The following PLXNA4 variants were observed in gnomAD, a reference collection of about 807,000 sequenced individuals.
PLXNA4 encodes the protein plexin-A4.
In PLXNA4, 44 loss-of-function variants were observed where a neutral mutation model predicts 191.8. The observed-to-expected ratio is 0.23, with a 90% confidence interval of 0.18 to 0.29. The LOEUF is 0.29. Ranked by LOEUF, PLXNA4 falls within the 10% of genes least tolerant of loss-of-function variation. The pLI is 1.00. For synonymous variants in PLXNA4, 1,082 were observed against 1,009.5 expected, an observed-to-expected ratio of 1.07 and a Z score of -1.36; for missense variants, 1,800 against 2,488.8, an observed-to-expected ratio of 0.72 and a Z score of 5.89.
chr7:132,583,399 C>T lies in PLXNA4; in HGVS notation c.-87+62529G>A, dbSNP rs112963307. On this transcript the variant is annotated intron_variant, in intron 2 of 4. Transcript: ENST00000378539. ...AAGCGAGATGTGATTGAAAGCTGAT[C>T]GTCCACTTTCCCTCCACACCATTCT... Among the ~76,000 whole-genome samples the T allele has an allele frequency of 6.5e-3, 989 of 152,262 alleles. 10 individuals are homozygous for T. Among genetic ancestry groups the T allele is most frequent in the Non-Finnish European group, 9.9e-3 (675 of 68,024 alleles).
At chr7:132,194,714 TGTGTGTATGC>T (rs1797199531) in intron 13 of PLXNA4, among the ~76,000 whole-genome samples, 1 of 152,238 alleles carries the variant, frequency 6.6e-6, no homozygotes, top group African/African-American at 2.4e-5. Flanking sequence ...TGTGTGTATG[TGTGTGTATGC>T]GTGTGTGAAC....
chr7:132,450,401 G>A (rs186961002), intron 3 of PLXNA4, among the ~76,000 whole-genome samples: 1 of 152,310 alleles, frequency 6.6e-6, no homozygotes, highest in African/African-American at 2.4e-5. Context: ...GGCGGGACAC[G>A]TGATTAGCTC....
rs1428691959 is a variant in PLXNA4 at position 132,129,498 on chromosome 7, G to A, written c.*981C>T. ...CACTCTGCATTTCACGTTGACCCTT[G>A]ATGAAGGTTGACAAAGGAGGGTGGA... On this transcript the variant is annotated 3_prime_UTR_variant, in exon 32 of 32. Coordinates refer to ENST00000321063, the MANE Select transcript of PLXNA4 (RefSeq NM_020911.2). The A allele has an allele frequency of 2.6e-5, 4 of 152,270 alleles. No homozygotes were observed. Among genetic ancestry groups the A allele is most frequent in the Non-Finnish European group, 5.9e-5 (4 of 68,080 alleles). 9.4% of individuals were successfully genotyped at this position (152,270 alleles called of 1,614,324 possible).
intron 3 of PLXNA4, among the ~76,000 whole-genome samples, chr7:132,408,414 TTTCAA>T (rs1563082297): frequency 6.6e-6 from 1 of 152,098 alleles, no homozygotes; most frequent in Non-Finnish European, 1.5e-5. Flanking sequence ...AACAAGTATT[TTTCAA>T]TTCTTTTTTA....
chr7:132,383,673 G>A, intron 3 of PLXNA4: 2 of 982,306 alleles, frequency 2.0e-6, no homozygotes, highest in African/African-American at 1.7e-5. Flanking sequence ...ATAAATGAGT[G>A]TATATATCAA....
At chr7:132,358,388 G>T (rs747976229) in intron 3 of PLXNA4, among the ~76,000 whole-genome samples, 13 of 152,180 alleles carry the variant, frequency 8.5e-5, no homozygotes, top group Non-Finnish European at 1.6e-4. Flanking sequence ...TTGGGGGAGA[G>T]CAAAGTTTTA....
At chr7:132,284,803 C>G (rs889276084) in intron 4 of PLXNA4, among the ~76,000 whole-genome samples, 1 of 152,188 alleles carries the variant, frequency 6.6e-6, no homozygotes, top group Admixed American at 6.5e-5. Flanking sequence ...AAACCTCCCC[C>G]TTCCAGGTTC....
intron 8 of PLXNA4, 123 bp from the exon 9 acceptor site, chr7:132,223,764 G>T (rs901459267): frequency 1.1e-5 from 8 of 717,258 alleles, no homozygotes; most frequent in Non-Finnish European, 2.0e-5. Context: ...TGAATGTGCA[G>T]GAAGGGCAGA....
Position 132,414,024 on chromosome 7 carries a change from C to T in PLXNA4, c.1371+75268G>A, listed in dbSNP as rs533432475. ...ATAGAGCTATCTCTCTTCCACTATT[C>T]GGGCCTAGACACGACTACACATATC... On this transcript the variant is annotated intron_variant, in intron 3 of 31. Coordinates refer to ENST00000321063, the MANE Select transcript of PLXNA4 (RefSeq NM_020911.2). Among the ~76,000 whole-genome samples the T allele has an allele frequency of 5.9e-5, 9 of 152,310 alleles. No individual in the cohort carries two copies. The Middle Eastern group carries it at 0.01, about 173-fold the overall frequency.
At chr7:132,335,235 A>T (rs1802769587) in intron 3 of PLXNA4, among the ~76,000 whole-genome samples, 1 of 152,236 alleles carries the variant, frequency 6.6e-6, no homozygotes. Flanking sequence ...CTCGTGAGCC[A>T]TATCAGAAAT....
chr7:132,139,166 G>C (rs542837571), intron 30 of PLXNA4, among the ~76,000 whole-genome samples: 2 of 152,348 alleles, frequency 1.3e-5, no homozygotes, highest in African/African-American at 4.8e-5. Flanking sequence ...GACAGCTGAG[G>C]TGGCATGTCC....
At position 132,125,406 on chromosome 7, in the gene PLXNA4, AT is replaced by A. The variant is rs113584906; in HGVS notation, c.*5072del. 8.8e-3 allele frequency: 1,257 copies of A among 143,588 alleles called. 11 individuals are homozygous for A. The highest frequency in any genetic ancestry group is 0.018 in the Middle Eastern group (5 of 282). 8.9% of individuals were successfully genotyped at this position (143,588 alleles called of 1,614,324 possible). A position where few individuals can be genotyped will look rare whatever the true frequency, so the allele number is the denominator to read the frequency against. On this transcript the variant is annotated 3_prime_UTR_variant, in exon 32 of 32. Coordinates refer to ENST00000321063, the MANE Select transcript of PLXNA4 (RefSeq NM_020911.2). ...CCTCATCCAGGGAATGTCCTGACCC[AT>A]TTTTTTTTTTCAATGGGGGAGGCTC...
chr7:132,428,674 A>T (rs927314603), intron 3 of PLXNA4, among the ~76,000 whole-genome samples: 1 of 152,054 alleles, frequency 6.6e-6, no homozygotes, highest in Non-Finnish European at 1.5e-5. Context: ...CCGGTCCTTG[A>T]GACCACTGCC....
rs142990865 is a variant in PLXNA4, at chr7:132,438,346, T to G, written c.1371+50946A>C. ...AAAGCACGGGACATAGGGCCTGGCA[T>G]GTAGTAAGTGCTCAATAAATACTAA... On this transcript the variant is annotated intron_variant, in intron 3 of 31. Transcript: ENST00000321063. Among the ~76,000 whole-genome samples the G allele has an allele frequency of 2.6e-5, 4 of 152,310 alleles. No homozygotes were observed. In the East Asian group the frequency reaches 5.8e-4, roughly 22 times the overall value.
intron 2 of PLXNA4, among the ~76,000 whole-genome samples, chr7:132,621,178 C>T (rs1365558377): frequency 1.3e-5 from 2 of 151,780 alleles, no homozygotes; most frequent in Non-Finnish European, 2.9e-5. Context: ...TCAAGTGAAC[C>T]ATAGTTTACT....
chr7:132,228,529 G>A (rs62464985), intron 5 of PLXNA4, 60 bp from the exon 6 acceptor site: 255,173 of 1,599,220 alleles, frequency 0.16, 22,419 homozygotes, highest in Non-Finnish European at 0.18. Flanking sequence ...GGGAGGGGCG[G>A]ATGCTGAGGT....
intron 2 of PLXNA4, among the ~76,000 whole-genome samples, chr7:132,613,135 G>T (rs1442491398): frequency 1.3e-5 from 2 of 152,162 alleles, no homozygotes; most frequent in Admixed American, 1.3e-4. Context: ...GCACACAAAG[G>T]TTGGACTGCA....
At chr7:132,561,216 G>T (rs1224777553) in intron 1 of PLXNA4, among the ~76,000 whole-genome samples, 1 of 151,966 alleles carries the variant, frequency 6.6e-6, no homozygotes, top group East Asian at 1.9e-4. Flanking sequence ...CTGCTTATGA[G>T]TTCACAAAGC....
upstream of PLXNA4, among the ~76,000 whole-genome samples, chr7:132,581,779 A>T (rs1478004752): frequency 1.3e-5 from 2 of 150,872 alleles, no homozygotes; most frequent in East Asian, 3.9e-4. Context: ...CACCAAAATA[A>T]CTCCCATGCC....
Sources: gnomAD v4.1 joint callset for allele counts (sites outside exome capture counted in the v4.1 genomes callset) on GRCh38, gnomAD v4.1.1 for gene constraint, MANE v1.5 for transcripts, NCBI Gene and HGNC (gene_info 2026-07-23, HGNC 2026-07-21) for gene names.